The following ZNF131 variants were observed in gnomAD, a reference collection of about 807,000 sequenced individuals.
The protein encoded by ZNF131 is zinc finger protein 131.
Under a neutral mutation model 60.0 loss-of-function variants are expected in ZNF131, and 7 were observed. The observed-to-expected ratio is 0.12, with a 90% CI of 0.07 to 0.22. The LOEUF is 0.22. Among genes scored for constraint, ZNF131 ranks in the 10% least tolerant of loss-of-function variants. The probability of loss-of-function intolerance (pLI) is 1.00; values close to 1 mark genes in which losing one functional copy is unlikely to be tolerated. For missense variants in ZNF131, 493 were observed against 740.9 expected (o/e 0.67, Z 3.88); for synonymous variants, 257 against 253.2 (o/e 1.01, Z -0.14).
chr5:43,156,879 C>T (rs1045457999), intron 4 of ZNF131, among the ~76,000 whole-genome samples: 2 of 151,244 alleles, frequency 1.3e-5, no homozygotes, highest in African/African-American at 4.9e-5. Context: ...TCTCTACCCC[C>T]ACCAAAAAAA....
intron 3 of ZNF131, 189 bp downstream of exon 3, chr5:43,123,499 A>G (rs751505144): frequency 4.6e-6 from 2 of 437,896 alleles, no homozygotes; most frequent in Non-Finnish European, 8.0e-6. Context: ...TTGATACCTG[A>G]GAAGTCTTAC....
At chr5:43,159,712 A>AC (rs1180227727) in intron 4 of ZNF131, among the ~76,000 whole-genome samples, 2 of 151,492 alleles carry the variant, frequency 1.3e-5, no homozygotes, top group African/African-American at 4.8e-5. Flanking sequence ...AAAAAAAAAA[A>AC]ACCAAACAAA....
intron 5 of ZNF131, among the ~76,000 whole-genome samples, chr5:43,167,102 GGATGCA>G (rs1318522138): frequency 5.9e-5 from 9 of 152,340 alleles, no homozygotes; most frequent in African/African-American, 2.2e-4. Context: ...GGAATAGTCA[GGATGCA>G]TACAACATTT....
At chr5:43,173,995 A>C (rs975966813) in intron 6 of ZNF131, among the ~76,000 whole-genome samples, 1 of 152,196 alleles carries the variant, frequency 6.6e-6, no homozygotes, top group Non-Finnish European at 1.5e-5. Context: ...TGGGAGGCCG[A>C]GGCGGGTGGA....
intron 4 of ZNF131, among the ~76,000 whole-genome samples, chr5:43,153,463 TAAA>T (rs35596507): frequency 5.9e-4 from 36 of 61,164 alleles, no homozygotes; most frequent in African/African-American, 2.4e-3. Flanking sequence ...CCATCTCTAC[TAAA>T]AAAAAAAAAA....
intron 5 of ZNF131, among the ~76,000 whole-genome samples, chr5:43,166,886 C>T (rs1373507869): frequency 2.0e-5 from 3 of 151,808 alleles, no homozygotes; most frequent in South Asian, 2.1e-4. Flanking sequence ...TCTTGAACTC[C>T]TGAGCTCGTG....
Position 43,121,023 on chromosome 5 carries a change from G to C in ZNF131, c.-116G>C, listed in dbSNP as rs900775391. On this transcript the variant is annotated 5_prime_UTR_variant, in exon 1 of 7. Coordinates refer to ENST00000682664, the MANE Select transcript of ZNF131 (RefSeq NM_001330707.2). ...AAAATGGAGGGCGACCCACGGGTTA[G>C]GGGTCAGGAAAGGCGTGGGGCGCAT... 1 of 152,394 alleles carries C rather than the reference G, an allele frequency of 6.6e-6. No individual in the cohort carries two copies. The highest frequency in any genetic ancestry group is 1.5e-5 in the Non-Finnish European group (1 of 68,156). The allele number at this position is 152,394 out of a possible 1,614,324, so 9.4% of individuals were successfully genotyped here.
chr5:43,129,936 A>G (rs1436636669), intron 3 of ZNF131, among the ~76,000 whole-genome samples: 1 of 150,176 alleles, frequency 6.7e-6, no homozygotes, highest in Non-Finnish European at 1.5e-5. Context: ...GATTAGAGGC[A>G]TGAGCCACCA....
intron 4 of ZNF131, among the ~76,000 whole-genome samples, chr5:43,142,452 C>T (rs184525364): frequency 0.06 from 8,969 of 150,656 alleles, 516 homozygotes; most frequent in African/African-American, 0.16. Flanking sequence ...TACAGGCTTC[C>T]GCCACCACAC....
At chr5:43,155,065 A>G (rs1057113022) in intron 4 of ZNF131, among the ~76,000 whole-genome samples, 1 of 152,208 alleles carries the variant, frequency 6.6e-6, no homozygotes, top group African/African-American at 2.4e-5. Context: ...GAGCACTTGC[A>G]GCAGCCCAGT....
intron 3 of ZNF131, among the ~76,000 whole-genome samples, chr5:43,135,775 C>T (rs1746004959): frequency 6.6e-6 from 1 of 152,142 alleles, no homozygotes. Context: ...ATTTGGAACA[C>T]TCAGTATTGT....
At chr5:43,162,935 C>G (rs1199157903) in intron 5 of ZNF131, among the ~76,000 whole-genome samples, 1 of 118,546 alleles carries the variant, frequency 8.4e-6, no homozygotes, top group African/African-American at 2.8e-5. Flanking sequence ...AAAAGCAATC[C>G]CTGACATGTT....
chr5:43,133,178 A>G (rs1245378557), intron 3 of ZNF131, among the ~76,000 whole-genome samples: 1 of 152,164 alleles, frequency 6.6e-6, no homozygotes, highest in Non-Finnish European at 1.5e-5. Context: ...TTTGAAAGTG[A>G]CTTTAGGCCT....
At chr5:43,160,185 A>AAC (rs1464883920) in intron 4 of ZNF131, among the ~76,000 whole-genome samples, 3 of 116,456 alleles carry the variant, frequency 2.6e-5, no homozygotes, top group African/African-American at 8.2e-5. Context: ...CAAAAAAACA[A>AAC]AACAAAAAAA....
chr5:43,157,657 A>G (rs536969746), intron 4 of ZNF131, among the ~76,000 whole-genome samples: 1 of 152,328 alleles, frequency 6.6e-6, no homozygotes, highest in Non-Finnish European at 1.5e-5. Context: ...CTACTGTAAC[A>G]AAGTACCATA....
rs140802660 is a variant in ZNF131, at chr5:43,151,168, G to C, written c.372-10081G>C. On this transcript the variant is annotated intron_variant, in intron 4 of 6. Transcript: ENST00000682664. ...GAAGCTGACATAAATGCCTTCCAGA[G>C]CCCAAGTGATATCAGTGAACATATC... Among the ~76,000 whole-genome samples, 327 of 152,292 alleles carry C rather than the reference G, an allele frequency of 2.1e-3. 2 individuals are homozygous for C. Among genetic ancestry groups the C allele is most frequent in the African/African-American group, 7.4e-3 (309 of 41,566 alleles).
rs540667702 is a variant in ZNF131 at position 43,170,930 on chromosome 5, G to A, written c.1055-2388G>A. On this transcript the variant is annotated intron_variant, in intron 5 of 6. Coordinates refer to ENST00000682664, the MANE Select transcript of ZNF131 (RefSeq NM_001330707.2). The stretch of plus-strand genomic sequence containing the variant: ...GATTACAGGTGTGATGACTGCACCC[G>A]GCGATTTTTTAAATTTTTTTTTAAA... Among the ~76,000 whole-genome samples the A allele has an allele frequency of 1.2e-4, 18 of 148,670 alleles. No homozygotes were observed. In the South Asian group the frequency reaches 3.2e-3, roughly 27 times the overall value.
At position 43,161,591 on chromosome 5, in the gene ZNF131, C is replaced by T; in HGVS notation, c.714C>T (p.Asp238=). 6.2e-7 allele frequency: 1 copy of T among 1,614,218 alleles called. No individual in the cohort carries two copies. ...TTAAAGAAGATGGCTGTCCATCTGA[C>T]CCCACGAGCAAACAGGTAGAAGGTA... ...GQIKEDGCPS[D]PTSKQVEGIE... The change falls in exon 5 of 7, where the codon GAC becomes GAT. Residue 238 remains aspartate (D), a synonymous_variant. Transcript: ENST00000682664.
intron 4 of ZNF131, among the ~76,000 whole-genome samples, chr5:43,142,822 G>C (rs1310273917): frequency 1.3e-5 from 2 of 151,934 alleles, no homozygotes; most frequent in Non-Finnish European, 2.9e-5. Flanking sequence ...CTCCCAAGTA[G>C]CTGGGACCAC....
Sources: gnomAD v4.1 joint callset for allele counts (sites outside exome capture counted in the v4.1 genomes callset) on GRCh38, gnomAD v4.1.1 for gene constraint, MANE v1.5 for transcripts, NCBI Gene and HGNC (gene_info 2026-07-23, HGNC 2026-07-21) for gene names.